PLEKHA7: variants seen among roughly 807,000 people sequenced by gnomAD.
PLEKHA7 encodes pleckstrin homology domain containing A7.
PLEKHA7 carries 104 observed loss-of-function variants against 170.0 expected under a neutral mutation model. That is an observed-to-expected ratio of 0.61 (90% CI 0.52 to 0.72). PLEKHA7 has a LOEUF of 0.72. PLEKHA7 is among the 30% of genes least tolerant of loss of function. PLEKHA7 has a pLI of 0.00. For synonymous variants in PLEKHA7, 648 were observed against 660.8 expected, an observed-to-expected ratio of 0.98 and a Z score of 0.30; for missense variants, 1,615 against 1,671.7, an observed-to-expected ratio of 0.97 and a Z score of 0.59.
chr11:16,840,943 G>A (rs1252435543), intron 9 of PLEKHA7, among the ~76,000 whole-genome samples: 2 of 152,132 alleles, frequency 1.3e-5, no homozygotes, highest in East Asian at 3.9e-4. Context: ...AGGCCTCATT[G>A]AAAGAACACT....
chr11:16,843,060 G>A (rs1489564815), intron 8 of PLEKHA7, among the ~76,000 whole-genome samples: 1 of 152,206 alleles, frequency 6.6e-6, no homozygotes, highest in East Asian at 1.9e-4. Flanking sequence ...ACACGAGAGT[G>A]GGAACTTTGC....
At position 16,979,101 on chromosome 11, in the gene PLEKHA7, G is replaced by A. The variant is rs182538383; in HGVS notation, c.221+34888C>T. Among the ~76,000 whole-genome samples the A allele has an allele frequency of 1.4e-4, 21 of 152,260 alleles. No individual in the cohort carries two copies. The East Asian group carries it at 1.9e-3, about 14-fold the overall frequency. On this transcript the variant is annotated intron_variant, in intron 3 of 26. Transcript: ENST00000531066. ...TGCCCAGGCTGGAGCGCAGTGGCAC[G>A]ATCTTGGCTCATTGCAACCTCCGCC...
At chr11:16,906,876 TGAG>T (rs1857772709) in intron 3 of PLEKHA7, among the ~76,000 whole-genome samples, 1 of 137,808 alleles carries the variant, frequency 7.3e-6, no homozygotes, top group Non-Finnish European at 1.5e-5. Context: ...ATCTAGGAAG[TGAG>T]GAGCGTCTCT....
chr11:16,903,491 T>C (rs575218877), intron 3 of PLEKHA7, among the ~76,000 whole-genome samples: 114 of 152,156 alleles, frequency 7.5e-4, no homozygotes, highest in Non-Finnish European at 1.5e-3. Flanking sequence ...CCATCACCAT[T>C]GCACAGACGC....
intron 3 of PLEKHA7, among the ~76,000 whole-genome samples, chr11:16,923,496 T>C (rs898534147): frequency 6.6e-6 from 1 of 152,156 alleles, no homozygotes; most frequent in African/African-American, 2.4e-5. Context: ...CAAGCCTTCC[T>C]TCACTCATTT....
At chr11:16,932,764 G>A (rs1431663718) in intron 3 of PLEKHA7, among the ~76,000 whole-genome samples, 1 of 152,186 alleles carries the variant, frequency 6.6e-6, no homozygotes, top group East Asian at 1.9e-4. Flanking sequence ...TGCAGGTCAG[G>A]GTATGTATCA....
At chr11:17,008,810 C>T (rs1865163145) in intron 3 of PLEKHA7, among the ~76,000 whole-genome samples, 1 of 152,182 alleles carries the variant, frequency 6.6e-6, no homozygotes, top group Admixed American at 6.5e-5. Flanking sequence ...GAACGGAATT[C>T]ACAAGGTTCC....
chr11:16,803,241 C>T lies in PLEKHA7; in HGVS notation c.2062G>A (p.Glu688Lys), dbSNP rs747497931. 1.2e-6 allele frequency: 2 copies of T among 1,614,098 alleles called. No individual in the cohort carries two copies. The highest frequency in any genetic ancestry group is 1.1e-5 in the South Asian group (1 of 91,084). ...TGCTCACTCACGTCAGTGTCGCTCT[C>T]AGCGATCTTCACAGGCTTCAGACTT... is the stretch of plus-strand genomic sequence containing the variant. ...DRSLKPVKIAESDTDVKLSIF... is the reference protein window; with the variant it reads ...DRSLKPVKIAKSDTDVKLSIF... The change falls in exon 14 of 27, where the codon GAG (glutamate) becomes AAG (lysine). Residue 688 changes from glutamate to lysine, a missense_variant. Transcript: ENST00000531066.
At chr11:17,000,483 T>C (rs7940499) in intron 3 of PLEKHA7, among the ~76,000 whole-genome samples, 92,182 of 151,982 alleles carry the variant, frequency 0.61, 28,674 homozygotes, top group East Asian at 0.96. Context: ...GCACCAATCA[T>C]TTACTGCCCA....
chr11:16,985,622 G>A (rs1863681067), intron 3 of PLEKHA7, among the ~76,000 whole-genome samples: 1 of 152,242 alleles, frequency 6.6e-6, no homozygotes, highest in Admixed American at 6.5e-5. Flanking sequence ...CGTTCATTCC[G>A]CATTAACATT....
intron 9 of PLEKHA7, among the ~76,000 whole-genome samples, chr11:16,833,084 G>A (rs567415847): frequency 1.3e-5 from 2 of 152,292 alleles, no homozygotes; most frequent in Non-Finnish European, 2.9e-5. Flanking sequence ...AATGGAGAAG[G>A]GAGTTAGTTT....
intron 3 of PLEKHA7, among the ~76,000 whole-genome samples, chr11:16,991,549 G>C (rs1425803083): frequency 6.6e-6 from 1 of 152,112 alleles, no homozygotes; most frequent in Non-Finnish European, 1.5e-5. Flanking sequence ...GGGAAGATCT[G>C]GAGGAAAACA....
chr11:16,869,761 T>G (rs1245637205), intron 4 of PLEKHA7, among the ~76,000 whole-genome samples: 1 of 152,252 alleles, frequency 6.6e-6, no homozygotes, highest in East Asian at 1.9e-4. Context: ...TATCTCTTTT[T>G]GTATATTTTA....
chr11:16,982,378 T>C (rs954494047), intron 3 of PLEKHA7, among the ~76,000 whole-genome samples: 2 of 152,216 alleles, frequency 1.3e-5, no homozygotes, highest in Non-Finnish European at 2.9e-5. Flanking sequence ...CTACAGCACC[T>C]GGCCCCCACC....
chr11:16,821,992 G>A (rs1206724868), intron 10 of PLEKHA7, among the ~76,000 whole-genome samples: 4 of 150,326 alleles, frequency 2.7e-5, no homozygotes, highest in Non-Finnish European at 4.5e-5. Context: ...GATAAGAATG[G>A]CTCAAATCCC....
At chr11:16,898,599 C>T (rs1396733880) in intron 3 of PLEKHA7, among the ~76,000 whole-genome samples, 1 of 152,188 alleles carries the variant, frequency 6.6e-6, no homozygotes, top group African/African-American at 2.4e-5. Context: ...CCATAGTGAG[C>T]TACTAATAAT....
chr11:16,817,488 T>C lies in PLEKHA7; in HGVS notation c.1344-166A>G, dbSNP rs1382827529. ...CCAGGACTTCAGTCACTTCCCCTTT[T>C]GGCAGACGACTCCAAAACCATTTTT... On this transcript the variant is annotated intron_variant, in intron 10 of 26. Transcript: ENST00000531066. The surrounding 1 kb of genome is among the most constrained non-coding windows in gnomAD (Gnocchi z 4.4). 1.2e-5 allele frequency: 8 copies of C among 643,462 alleles called. No individual in the cohort carries two copies. The highest frequency in any genetic ancestry group is 2.9e-5 in the East Asian group (1 of 34,576). The allele number at this position is 643,462 out of a possible 1,614,324, so 39.9% of individuals were successfully genotyped here.
chr11:16,889,420 A>AAAAAAAATATATATATATAT (rs61086849), intron 3 of PLEKHA7, among the ~76,000 whole-genome samples: 4 of 74,684 alleles, frequency 5.4e-5, no homozygotes, highest in African/African-American at 2.5e-4. Context: ...AAAAAAAAAA[A>AAAAAAAATATATATATATAT]ATATATATAT....
At chr11:16,788,918 T>C in intron 23 of PLEKHA7, 178 bp downstream of exon 23, 1 of 754,746 alleles carries the variant, frequency 1.3e-6, no homozygotes. Context: ...GGTCACCCTC[T>C]GACCAGGCAT....
Sources: allele counts gnomAD v4.1 joint callset (sites outside exome capture counted in the v4.1 genomes callset), GRCh38; gene constraint gnomAD v4.1.1; non-coding constraint Gnocchi (gnomAD v3.1); transcripts MANE v1.5; gene names NCBI Gene and HGNC (gene_info 2026-07-23, HGNC 2026-07-21).